The following ROBO2 variants were observed in gnomAD, a reference collection of about 807,000 sequenced individuals.
ROBO2 encodes roundabout homolog 2.
ROBO2 carries 53 observed loss-of-function variants against 160.8 expected under a neutral mutation model. That is an observed-to-expected ratio of 0.33 (90% confidence interval 0.26 to 0.41). ROBO2 has a LOEUF of 0.41. ROBO2 is among the 10% of genes least tolerant of loss of function. The pLI is 1.00. For missense variants in ROBO2, 1,577 were observed against 1,722.4 expected, an observed-to-expected ratio of 0.92 and a Z score of 1.49; for synonymous variants, 664 against 611.7, an observed-to-expected ratio of 1.09 and a Z score of -1.26.
At chr3:76,436,964 T>C (rs965453875) in intron 2 of ROBO2, among the ~76,000 whole-genome samples, 9 of 152,194 alleles carry the variant, frequency 5.9e-5, no homozygotes. Context: ...ATCCTCAAGC[T>C]GCAAATAAAT....
At chr3:77,623,895 T>C (rs1366932121) in intron 23 of ROBO2, among the ~76,000 whole-genome samples, 1 of 152,200 alleles carries the variant, frequency 6.6e-6, no homozygotes, top group Non-Finnish European at 1.5e-5. Flanking sequence ...AATATTATAA[T>C]GTCAAAGATG....
intron 2 of ROBO2, among the ~76,000 whole-genome samples, chr3:76,252,355 A>G (rs938615906): frequency 7.2e-5 from 11 of 152,110 alleles, no homozygotes; most frequent in Non-Finnish European, 5.9e-5. Context: ...TACTCAATGT[A>G]TTTGACGTAC....
chr3:76,209,022 T>G (rs761965495), intron 2 of ROBO2, among the ~76,000 whole-genome samples: 2 of 152,184 alleles, frequency 1.3e-5, no homozygotes, highest in Non-Finnish European at 2.9e-5. Context: ...AAAAAACATG[T>G]GAAATAGTTG....
At chr3:77,203,789 G>A (rs2083147195) in intron 2 of ROBO2, among the ~76,000 whole-genome samples, 1 of 152,142 alleles carries the variant, frequency 6.6e-6, no homozygotes, top group Admixed American at 6.5e-5. Context: ...TTCAGTTTTT[G>A]CTGCAACTCT....
In ROBO2 at chr3:76,919,853, A is replaced by T. The variant is rs146616231; in HGVS notation, c.110-178161A>T. 6.8e-4 allele frequency among the ~76,000 whole-genome samples: 103 copies of T among 152,274 alleles called. No individual in the cohort carries two copies. The East Asian group carries it at 0.019, about 29-fold the overall frequency. On this transcript the variant is annotated intron_variant, in intron 2 of 26. Coordinates refer to the ROBO2 transcript ENST00000487694. ...TGTTTTATTGTAGTATCATGTGTAAACTTTTATTTTGTAATAATTTACTGA... is the reference window on the plus strand; with the variant it reads ...TGTTTTATTGTAGTATCATGTGTAATCTTTTATTTTGTAATAATTTACTGA...
intron 2 of ROBO2, among the ~76,000 whole-genome samples, chr3:76,614,004 TG>T (rs1397316787): frequency 1.3e-5 from 2 of 152,076 alleles, no homozygotes; most frequent in Non-Finnish European, 2.9e-5. Flanking sequence ...CAGAATTGCT[TG>T]TGAAAATTCT....
At chr3:76,168,670 C>T (rs1280662877) in intron 2 of ROBO2, among the ~76,000 whole-genome samples, 1 of 151,976 alleles carries the variant, frequency 6.6e-6, no homozygotes, top group Admixed American at 6.6e-5. Flanking sequence ...TAAACAACAC[C>T]CTTCAAGATT....
At chr3:77,563,313 A>G in exon 11 of ROBO2, 7 of 1,613,424 alleles carry the variant, frequency 4.3e-6, no homozygotes, top group East Asian at 2.2e-5. Flanking sequence ...AAGTGCATAT[A>G]TCATTGAGGC....
intron 2 of ROBO2, among the ~76,000 whole-genome samples, chr3:76,818,120 G>T (rs539559670): frequency 4.6e-5 from 7 of 151,874 alleles, no homozygotes; most frequent in Non-Finnish European, 1.0e-4. Flanking sequence ...TCTACCAGCG[G>T]TGTAAAAGTG....
At position 76,435,410 on chromosome 3, in the gene ROBO2, G is replaced by A. The variant is rs1302791088; in HGVS notation, c.109+497808G>A. The A allele has an allele frequency of 5.1e-6, 4 of 777,702 alleles. 1 individual carries two copies. Among genetic ancestry groups the A allele is most frequent in the Non-Finnish European group, 9.6e-6 (4 of 417,676 alleles). 48.2% of individuals were successfully genotyped at this position (777,702 alleles called of 1,614,324 possible). A position where few individuals can be genotyped will look rare whatever the true frequency, so the allele number is the denominator to read the frequency against. The stretch of plus-strand genomic sequence containing the variant: ...ATGGGCAGAAGTTGGTCACCACAGT[G>A]ACAGAAATTGCTGGATAGGCAAAGT... On this transcript the variant is annotated intron_variant, in intron 2 of 26. Coordinates refer to the ROBO2 transcript ENST00000487694.
At chr3:77,227,048 A>G (rs2151249315) in intron 2 of ROBO2, among the ~76,000 whole-genome samples, 1 of 152,278 alleles carries the variant, frequency 6.6e-6, no homozygotes, top group Admixed American at 6.5e-5. Context: ...TACAACAAAA[A>G]TGTTGCATCT....
intron 2 of ROBO2, among the ~76,000 whole-genome samples, chr3:76,995,122 C>A (rs2060919090): frequency 6.7e-6 from 1 of 149,402 alleles, no homozygotes; most frequent in Non-Finnish European, 1.5e-5. Context: ...CCAACAGGCC[C>A]CAGTGTGTGA....
chr3:77,221,760 T>C (rs990285807), intron 2 of ROBO2, among the ~76,000 whole-genome samples: 2 of 151,992 alleles, frequency 1.3e-5, no homozygotes, highest in Non-Finnish European at 2.9e-5. Context: ...TCTGTGAAGA[T>C]ACACAATAGT....
At chr3:77,362,747 T>C (rs7616635) in intron 2 of ROBO2, among the ~76,000 whole-genome samples, 71,140 of 151,972 alleles carry the variant, frequency 0.47, 17,928 homozygotes, top group African/African-American at 0.67. Context: ...AGAGGATTAA[T>C]TGACTCCCAG....
intron 2 of ROBO2, among the ~76,000 whole-genome samples, chr3:76,760,696 G>C (rs1163865675): frequency 1.5e-5 from 2 of 130,290 alleles, no homozygotes; most frequent in African/African-American, 5.8e-5. Flanking sequence ...TGGATTAGCA[G>C]TATCTTACCT....
At chr3:76,303,041 G>A (rs1048595236) in intron 2 of ROBO2, among the ~76,000 whole-genome samples, 31 of 152,066 alleles carry the variant, frequency 2.0e-4, no homozygotes, top group Non-Finnish European at 8.8e-5. Flanking sequence ...ATGTAGCATA[G>A]CCAATAAACC....
chr3:76,921,028 T>A (rs1456793366), intron 2 of ROBO2, among the ~76,000 whole-genome samples: 1 of 152,130 alleles, frequency 6.6e-6, no homozygotes, highest in African/African-American at 2.4e-5. Context: ...AGCCAGAGAA[T>A]GGAGGGTGGG....
At chr3:76,961,247 GAAAAAAAA>G (rs371889909) in intron 2 of ROBO2, among the ~76,000 whole-genome samples, 1 of 54,448 alleles carries the variant, frequency 1.8e-5, no homozygotes, top group Admixed American at 1.9e-4. Flanking sequence ...GTGCCACAGA[GAAAAAAAA>G]AAAAAAAAAA....
At chr3:76,458,803 G>A in intron 2 of ROBO2, among the ~76,000 whole-genome samples, 1 of 152,118 alleles carries the variant, frequency 6.6e-6, no homozygotes, top group East Asian at 1.9e-4. Flanking sequence ...GAAACCCCTA[G>A]TAGACCCATC....
Sources: gnomAD v4.1 joint callset for allele counts (sites outside exome capture counted in the v4.1 genomes callset) on GRCh38, gnomAD v4.1.1 for gene constraint, MANE v1.5 for transcripts, NCBI Gene and HGNC (gene_info 2026-07-23, HGNC 2026-07-21) for gene names.